Variants in TTC21B observed in about 807,000 individuals in gnomAD.
TTC21B encodes tetratricopeptide repeat domain 21B, also known as tetratricopeptide repeat protein 21B.
TTC21B carries 127 observed loss-of-function variants against 175.1 expected under a neutral mutation model. The observed-to-expected ratio is 0.73, with a 90% CI of 0.63 to 0.84. The LOEUF (loss-of-function observed/expected upper bound fraction) is 0.84. Ranked by LOEUF, TTC21B falls within the 40% of genes least tolerant of loss-of-function variation. The pLI is 0.00. For synonymous variants in TTC21B, 524 were observed against 524.5 expected, an observed-to-expected ratio of 1.00 and a Z score of 0.01; for missense variants, 1,561 against 1,558.3, an observed-to-expected ratio of 1.00 and a Z score of -0.03.
intron 19 of TTC21B, among the ~76,000 whole-genome samples, chr2:165,904,104 G>A (rs1685651419): frequency 6.6e-6 from 1 of 152,054 alleles, no homozygotes; most frequent in Non-Finnish European, 1.5e-5. Flanking sequence ...ATGGGACCAT[G>A]GTGACTGGGA....
chr2:165,896,101 C>T (rs1685352465), intron 22 of TTC21B, among the ~76,000 whole-genome samples: 1 of 115,786 alleles, frequency 8.6e-6, no homozygotes, highest in African/African-American at 3.1e-5. Flanking sequence ...TGAAGGATTG[C>T]CACCTCTGTG....
chr2:165,881,421 T>C (rs527308631), intron 26 of TTC21B, among the ~76,000 whole-genome samples: 2 of 152,268 alleles, frequency 1.3e-5, no homozygotes, highest in African/African-American at 4.8e-5. Context: ...GGACCAAACA[T>C]TGTAACTGGT....
intron 24 of TTC21B, 92 bp downstream of exon 24, chr2:165,890,387 G>T: frequency 8.5e-7 from 1 of 1,176,956 alleles, no homozygotes; most frequent in South Asian, 1.3e-5. Context: ...TTTCATTATT[G>T]CTATCCTAAA....
At chr2:165,934,192 CAT>C (rs111431132) in intron 6 of TTC21B, 31 of 152,114 alleles carry the variant, frequency 2.0e-4, no homozygotes, top group African/African-American at 7.0e-4. Flanking sequence ...TTTTTCCCCA[CAT>C]ATGACTACAA....
intron 1 of TTC21B, among the ~76,000 whole-genome samples, chr2:165,950,285 A>C (rs925473904): frequency 2.0e-4 from 30 of 152,340 alleles, no homozygotes; most frequent in Middle Eastern, 3.4e-3. Flanking sequence ...CTATTTTTCA[A>C]TGAAAATCGT....
At chr2:165,942,623 A>G (rs1687410597) in intron 5 of TTC21B, among the ~76,000 whole-genome samples, 1 of 152,060 alleles carries the variant, frequency 6.6e-6, no homozygotes, top group Admixed American at 6.6e-5. Context: ...AGCCCTGAAT[A>G]CACCTTAGGG....
intron 20 of TTC21B, among the ~76,000 whole-genome samples, chr2:165,901,475 C>A (rs915576690): frequency 2.0e-5 from 3 of 152,012 alleles, no homozygotes; most frequent in Admixed American, 6.6e-5. Context: ...AGGCGCCCCC[C>A]ACCACGCTGG....
At chr2:165,927,271 T>G (rs1432501981) in intron 11 of TTC21B, among the ~76,000 whole-genome samples, 2 of 45,650 alleles carry the variant, frequency 4.4e-5, no homozygotes, top group African/African-American at 1.3e-4. Context: ...TCCTAGTAGT[T>G]ATATATATAT....
In TTC21B at chr2:165,929,321, T is replaced by A; in HGVS notation, c.1200A>T (p.Leu400Phe). Residue 400 changes from leucine to phenylalanine, a missense_variant, in exon 11 of 29, where the codon TTA (leucine) becomes TTT (phenylalanine). Coordinates refer to ENST00000243344, the MANE Select transcript of TTC21B (RefSeq NM_024753.5). Reference sequence around the variant, plus strand: ...TTTTCTTCATGGCAAGAACTGCATGTAAATAGATTAATTCCTAGAAAATAA... The same window carrying A: ...TTTTCTTCATGGCAAGAACTGCATGAAAATAGATTAATTCCTAGAAAATAA... ...SIGKSAELIY[L>F]HAVLAMKKNK... 1 of 1,605,850 alleles carries A rather than the reference T, an allele frequency of 6.2e-7. No individual in the cohort carries two copies. Among genetic ancestry groups the A allele is most frequent in the Admixed American group, 1.7e-5 (1 of 59,782 alleles).
chr2:165,951,719 T>C (rs944396453), intron 1 of TTC21B, among the ~76,000 whole-genome samples: 1 of 152,176 alleles, frequency 6.6e-6, no homozygotes, highest in African/African-American at 2.4e-5. Flanking sequence ...CTACTATGAA[T>C]AGAAAAATGA....
chr2:165,939,908 G>A (rs904851295), intron 6 of TTC21B, among the ~76,000 whole-genome samples: 19 of 152,106 alleles, frequency 1.2e-4, no homozygotes, highest in African/African-American at 4.3e-4. Context: ...GTAATTGTGT[G>A]GCTCTGGAGA....
intron 12 of TTC21B, among the ~76,000 whole-genome samples, chr2:165,920,638 T>C (rs918047376): frequency 6.6e-6 from 1 of 151,902 alleles, no homozygotes; most frequent in Non-Finnish European, 1.5e-5. Flanking sequence ...CATAGAGAAT[T>C]AGGGTTTGCA....
At chr2:165,908,603 A>C (rs1685825219) in intron 18 of TTC21B, among the ~76,000 whole-genome samples, 1 of 152,128 alleles carries the variant, frequency 6.6e-6, no homozygotes, top group Non-Finnish European at 1.5e-5. Flanking sequence ...AATAAAACTG[A>C]GTTTCAGATT....
chr2:165,923,743 G>T lies in TTC21B; in HGVS notation c.1516+806C>A, dbSNP rs902697864. On this transcript the variant is annotated intron_variant, in intron 12 of 28. Transcript: ENST00000243344. ...AGGCATGAGCCACCACGCCCAGCTGGTTTTTTTTTTTTTTTTTTTTTAATG... is the reference window on the plus strand; with the variant it reads ...AGGCATGAGCCACCACGCCCAGCTGTTTTTTTTTTTTTTTTTTTTTTAATG... 2.4e-3 allele frequency among the ~76,000 whole-genome samples: 262 copies of T among 107,312 alleles called. 2 individuals are homozygous for T. Among genetic ancestry groups the T allele is most frequent in the African/African-American group, 8.7e-3 (252 of 28,872 alleles). 70.4% of individuals were successfully genotyped at this position (107,312 alleles called of 152,430 possible).
chr2:165,915,821 A>G (rs189515919), intron 14 of TTC21B, among the ~76,000 whole-genome samples: 2 of 152,330 alleles, frequency 1.3e-5, no homozygotes. Flanking sequence ...CTTTGGGTGA[A>G]TATTCTACCT....
In TTC21B at chr2:165,873,783, A is replaced by G. The variant is rs1684580593; in HGVS notation, c.*972T>C. On this transcript the variant is annotated 3_prime_UTR_variant, in exon 29 of 29. Coordinates refer to ENST00000243344, the MANE Select transcript of TTC21B (RefSeq NM_024753.5). ...GCAGGAAGAATGAGCTCAAGAAAGG[A>G]AAGGGAAACACACACTCTACCCTTT... The G allele has an allele frequency of 6.6e-6, 1 of 152,108 alleles. No homozygotes were observed. The allele number at this position is 152,108 out of a possible 1,614,324, so 9.4% of individuals were successfully genotyped here.
chr2:165,934,459 G>A (rs1168391115), intron 6 of TTC21B, among the ~76,000 whole-genome samples: 2 of 128,636 alleles, frequency 1.6e-5, no homozygotes, highest in African/African-American at 3.1e-5. Flanking sequence ...CCAAGATCGC[G>A]CCATTGCACT....
rs1487962114 is a variant in TTC21B at position 165,915,380 on chromosome 2, T to G, written c.1959A>C (p.Glu653Asp). 6.2e-7 allele frequency: 1 copy of G among 1,614,132 alleles called. No homozygotes were observed. Among genetic ancestry groups the G allele is most frequent in the South Asian group, 1.1e-5 (1 of 91,082 alleles). Residue 653 changes from glutamate to aspartate, a missense_variant, in exon 15 of 29, where the codon GAA (glutamate) becomes GAC (aspartate). Physicochemically the swap from Glu to Asp is conservative, Grantham distance 45. Transcript: ENST00000243344. Reference sequence around the variant, plus strand: ...CTGCATTAGCAATGGTAACCCGCACTTCTTCAGATGTTCCAGAAAATTCAT... The same window carrying G: ...CTGCATTAGCAATGGTAACCCGCACGTCTTCAGATGTTCCAGAAAATTCAT... ...AIHEFSGTSEEVRVTIANADL... is the reference protein window; with the variant it reads ...AIHEFSGTSEDVRVTIANADL...
chr2:165,934,716 G>T (rs755381727), intron 6 of TTC21B: 4 of 143,210 alleles, frequency 2.8e-5, no homozygotes, highest in Non-Finnish European at 4.5e-5. Flanking sequence ...AAATAAAAAT[G>T]AGATACCTCT....
Sources: gnomAD v4.1 joint callset for allele counts (sites outside exome capture counted in the v4.1 genomes callset) on GRCh38, gnomAD v4.1.1 for gene constraint, MANE v1.5 for transcripts, NCBI Gene and HGNC (gene_info 2026-07-23, HGNC 2026-07-21) for gene names.